Variants in NR3C2 observed in about 807,000 individuals in gnomAD.
NR3C2 encodes the protein nuclear receptor subfamily 3 group C member 2.
NR3C2 carries 15 observed loss-of-function variants against 86.4 expected under a neutral mutation model. The ratio of observed to expected loss-of-function variants is 0.17; its 90% CI spans 0.12 to 0.27. The LOEUF (loss-of-function observed/expected upper bound fraction) is 0.27. Ranked by LOEUF, NR3C2 falls within the 10% of genes least tolerant of loss-of-function variation. The probability of loss-of-function intolerance (pLI) is 1.00; values close to 1 mark genes in which losing one functional copy is unlikely to be tolerated. For missense variants in NR3C2, 960 were observed against 1,195.6 expected (o/e 0.80, Z 2.91); for synonymous variants, 458 against 450.5 (o/e 1.02, Z -0.21).
intron 8 of NR3C2, among the ~76,000 whole-genome samples, chr4:148,092,661 A>G (rs1227374883): frequency 6.6e-6 from 1 of 152,222 alleles, no homozygotes; most frequent in Non-Finnish European, 1.5e-5. Flanking sequence ...TTGTGGCACC[A>G]ATATTGCAAA....
At chr4:148,227,962 T>C (rs1738259896) in intron 3 of NR3C2, among the ~76,000 whole-genome samples, 1 of 152,174 alleles carries the variant, frequency 6.6e-6, no homozygotes, top group Non-Finnish European at 1.5e-5. Flanking sequence ...TGGTGAATGG[T>C]ATTAAGAAGT....
rs980516175 is a variant in NR3C2, at chr4:148,268,589, C to A, written c.1758-8472G>T. On this transcript the variant is annotated intron_variant, in intron 2 of 8. Transcript: ENST00000358102. ...AGCACAGTGATGACAATTAGTCTTC[C>A]ACAATTTACTTTTTTGTTTGGGGTA... Among the ~76,000 whole-genome samples the A allele has an allele frequency of 3.3e-5, 5 of 152,064 alleles. 1 individual carries two copies. Among genetic ancestry groups the A allele is most frequent in the African/African-American group, 1.2e-4 (5 of 41,396 alleles).
intron 6 of NR3C2, among the ~76,000 whole-genome samples, chr4:148,138,466 C>A (rs1733455517): frequency 6.6e-6 from 1 of 152,142 alleles, no homozygotes; most frequent in Non-Finnish European, 1.5e-5. Flanking sequence ...ACTGTGGCCT[C>A]AACTTCCCTG....
rs541091552 is a variant in NR3C2, at chr4:148,344,340, T to A, written c.1758-84223A>T. The stretch of plus-strand genomic sequence containing the variant: ...CTGGAATTATAAGTAACGACAAAGA[T>A]AATAAATCTAAACAACATAGAGACA... On this transcript the variant is annotated intron_variant, in intron 2 of 8. Coordinates refer to ENST00000358102, the MANE Select transcript of NR3C2 (RefSeq NM_000901.5). Among the ~76,000 whole-genome samples the A allele has an allele frequency of 5.0e-4, 76 of 152,232 alleles. 1 individual carries two copies. The South Asian group carries it at 0.015, about 30-fold the overall frequency.
chr4:148,365,942 G>T (rs1463082652), intron 2 of NR3C2, among the ~76,000 whole-genome samples: 1 of 152,194 alleles, frequency 6.6e-6, no homozygotes, highest in Non-Finnish European at 1.5e-5. Context: ...GACAGCCACA[G>T]AAATTTTTTA....
chr4:148,111,891 G>T (rs1404491877), intron 8 of NR3C2, among the ~76,000 whole-genome samples: 2 of 152,168 alleles, frequency 1.3e-5, no homozygotes, highest in South Asian at 4.1e-4. Flanking sequence ...AGATATATTC[G>T]CTATCTTGAT....
At chr4:148,343,136 G>C (rs1561053230) in intron 2 of NR3C2, among the ~76,000 whole-genome samples, 1 of 152,200 alleles carries the variant, frequency 6.6e-6, no homozygotes, top group East Asian at 1.9e-4. Context: ...AGATTACTAA[G>C]CAGCCCAAAC....
In NR3C2 at chr4:148,241,323, AAAAAAAAAAAG is replaced by A. The variant is rs1485570775; in HGVS notation, c.1897+18644_1897+18654del. On this transcript the variant is annotated intron_variant, in intron 3 of 8. Transcript: ENST00000358102. ...TCTGTCTCAAAAAAAAAAAAAAAAA[AAAAAAAAAAAG>A]GGGAAAAATAAAATCTAATCTCCCT... Among the ~76,000 whole-genome samples the A allele has an allele frequency of 8.8e-5, 13 of 147,316 alleles. 2 individuals are homozygous for A. Among genetic ancestry groups the A allele is most frequent in the East Asian group, 5.9e-4 (3 of 5,080 alleles).
intron 2 of NR3C2, among the ~76,000 whole-genome samples, chr4:148,306,361 T>C (rs1742624751): frequency 1.3e-5 from 2 of 152,180 alleles, no homozygotes. Flanking sequence ...AATCTACCCC[T>C]CTTTCACCTT....
intron 2 of NR3C2, among the ~76,000 whole-genome samples, chr4:148,398,731 T>C (rs1747985232): frequency 6.6e-6 from 1 of 152,270 alleles, no homozygotes; most frequent in Middle Eastern, 3.4e-3. Context: ...ACATAACAGA[T>C]TACCCCTACC....
intron 2 of NR3C2, among the ~76,000 whole-genome samples, chr4:148,416,555 C>T (rs1275961807): frequency 1.3e-5 from 2 of 152,202 alleles, no homozygotes; most frequent in Non-Finnish European, 2.9e-5. Flanking sequence ...AATCAAGTTA[C>T]ACTACTTCTG....
chr4:148,367,265 G>A (rs1423846377), intron 2 of NR3C2, among the ~76,000 whole-genome samples: 2 of 152,122 alleles, frequency 1.3e-5, no homozygotes, highest in Admixed American at 6.6e-5. Context: ...TGGTTTCAAC[G>A]AATGCAATTG....
chr4:148,258,518 G>C (rs995151465), intron 3 of NR3C2, among the ~76,000 whole-genome samples: 10 of 152,166 alleles, frequency 6.6e-5, no homozygotes, highest in Admixed American at 3.3e-4. Context: ...ACTCCAGCCA[G>C]AACCAGCCTA....
chr4:148,265,423 C>T (rs1045494471), intron 2 of NR3C2, among the ~76,000 whole-genome samples: 9 of 152,004 alleles, frequency 5.9e-5, no homozygotes, highest in Admixed American at 2.0e-4. Context: ...TTAAAAAATG[C>T]CTGGAGAAAT....
Position 148,435,325 on chromosome 4 carries a change from A to G in NR3C2, c.1536T>C (p.Ala512=), listed in dbSNP as rs1749990780. 6.2e-7 allele frequency: 1 copy of G among 1,614,210 alleles called. No individual in the cohort carries two copies. Among genetic ancestry groups the G allele is most frequent in the East Asian group, 2.2e-5 (1 of 44,880 alleles). ...GTCCACCTGAATTCACCCCAACAAT[A>G]GCAGAGGAAGGGATGCTGGCCTCTG... ...YYPEASIPSS[A]IVGVNSGGQS... Residue 512 remains alanine (A), a synonymous_variant, in exon 2 of 9, where the codon GCT becomes GCC. Transcript: ENST00000358102.
intron 2 of NR3C2, among the ~76,000 whole-genome samples, chr4:148,290,888 C>T (rs182716112): frequency 1.3e-5 from 2 of 152,284 alleles, no homozygotes; most frequent in Admixed American, 1.3e-4. Context: ...GTCGTCATCT[C>T]TGTTCTATAT....
At chr4:148,398,656 C>T (rs1560709343) in intron 2 of NR3C2, among the ~76,000 whole-genome samples, 1 of 152,184 alleles carries the variant, frequency 6.6e-6, no homozygotes, top group Non-Finnish European at 1.5e-5. Flanking sequence ...AGAGTTCAAA[C>T]TCCTGATTAA....
chr4:148,372,918 T>C (rs1746490729), intron 2 of NR3C2, among the ~76,000 whole-genome samples: 1 of 152,232 alleles, frequency 6.6e-6, no homozygotes, highest in African/African-American at 2.4e-5. Flanking sequence ...GGAATTTATA[T>C]ACTGCTTGAA....
In NR3C2 at chr4:148,194,774, T is replaced by C; in HGVS notation, c.1986A>G (p.Lys662=). ...RKNCPACRLQ[K]CLQAGMNLGA... ...CTAAATTCATTCCAGCTTGAAGACA[T>C]TTCTGAAGTCTGCAAGCAGGACAAT... Residue 662 remains lysine, a synonymous_variant, in exon 4 of 9, where the codon AAA becomes AAG. Coordinates refer to ENST00000358102, the MANE Select transcript of NR3C2 (RefSeq NM_000901.5). 3.1e-6 allele frequency: 5 copies of C among 1,611,636 alleles called. No homozygotes were observed. The highest frequency in any genetic ancestry group is 1.1e-5 in the South Asian group (1 of 91,050).
Sources: allele counts gnomAD v4.1 joint callset (sites outside exome capture counted in the v4.1 genomes callset), GRCh38; gene constraint gnomAD v4.1.1; transcripts MANE v1.5; gene names NCBI Gene and HGNC (gene_info 2026-07-23, HGNC 2026-07-21).